The following SH3PXD2B variants were observed in gnomAD, a reference collection of about 807,000 sequenced individuals.
SH3PXD2B encodes SH3 and PX domains 2B, also known as SH3 and PX domain-containing protein 2B.
In SH3PXD2B, 37 loss-of-function variants were observed where a neutral mutation model predicts 73.1. The ratio of observed to expected loss-of-function variants is 0.51; its 90% CI spans 0.39 to 0.67. The LOEUF (loss-of-function observed/expected upper bound fraction) is 0.67. Among genes scored for constraint, SH3PXD2B ranks in the 30% least tolerant of loss-of-function variants. The pLI is 0.00. For synonymous variants in SH3PXD2B, 457 were observed against 480.5 expected, an observed-to-expected ratio of 0.95 and a Z score of 0.64; for missense variants, 1,053 against 1,197.8, an observed-to-expected ratio of 0.88 and a Z score of 1.78.
At chr5:172,447,662 C>T (rs1037815659) in intron 1 of SH3PXD2B, among the ~76,000 whole-genome samples, 1 of 152,210 alleles carries the variant, frequency 6.6e-6, no homozygotes, top group African/African-American at 2.4e-5. Flanking sequence ...GATTTGAACC[C>T]AAGCTGTCTG....
intron 8 of SH3PXD2B, among the ~76,000 whole-genome samples, chr5:172,356,488 C>T (rs925216813): frequency 2.0e-5 from 3 of 152,234 alleles, no homozygotes; most frequent in Non-Finnish European, 2.9e-5. Flanking sequence ...ACCTGAGAAA[C>T]TTTAAATCCC....
intron 2 of SH3PXD2B, among the ~76,000 whole-genome samples, chr5:172,417,004 C>T (rs1177394926): frequency 2.0e-5 from 3 of 152,108 alleles, no homozygotes; most frequent in Non-Finnish European, 4.4e-5. Context: ...CCATCACACT[C>T]GGTGACTGTG....
intron 1 of SH3PXD2B, among the ~76,000 whole-genome samples, chr5:172,431,355 GA>G (rs1759235299): frequency 6.6e-6 from 1 of 152,246 alleles, no homozygotes; most frequent in Non-Finnish European, 1.5e-5. Context: ...CTGCAGAGAG[GA>G]TAAGTGAAGG....
intron 4 of SH3PXD2B, among the ~76,000 whole-genome samples, chr5:172,390,848 T>C (rs1400040169): frequency 2.7e-5 from 4 of 147,672 alleles, no homozygotes. Flanking sequence ...TGTGTGTGTG[T>C]GTGTGTGTGT....
chr5:172,365,522 T>C (rs945262809), intron 6 of SH3PXD2B, among the ~76,000 whole-genome samples: 3 of 152,202 alleles, frequency 2.0e-5, no homozygotes, highest in Admixed American at 2.0e-4. Flanking sequence ...TCAGGCTCAG[T>C]CTGACATCTC....
chr5:172,327,330 G>A (rs80188967), intron 12 of SH3PXD2B, among the ~76,000 whole-genome samples: 11 of 152,112 alleles, frequency 7.2e-5, no homozygotes, highest in Non-Finnish European at 1.2e-4. Context: ...CATCGTTTTC[G>A]AAAGGTAAAA....
intron 3 of SH3PXD2B, among the ~76,000 whole-genome samples, chr5:172,402,926 T>A (rs749608401): frequency 2.6e-5 from 4 of 152,266 alleles, no homozygotes; most frequent in Non-Finnish European, 5.9e-5. Flanking sequence ...CAATTTGTCA[T>A]TTACCCACAG....
intron 8 of SH3PXD2B, among the ~76,000 whole-genome samples, chr5:172,357,649 G>A (rs559782352): frequency 6.6e-6 from 1 of 152,190 alleles, no homozygotes; most frequent in South Asian, 2.1e-4. Flanking sequence ...TAGTTTCCAT[G>A]CACTACATCA....
intron 4 of SH3PXD2B, among the ~76,000 whole-genome samples, chr5:172,388,025 T>C (rs1224840356): frequency 6.6e-6 from 1 of 152,206 alleles, no homozygotes; most frequent in African/African-American, 2.4e-5. Context: ...TACCCATTTA[T>C]TGAGGAATGA....
At chr5:172,331,068 G>A (rs1756544933), downstream of SH3PXD2B, among the ~76,000 whole-genome samples, 2 of 152,300 alleles carry the variant, frequency 1.3e-5, no homozygotes, top group South Asian at 4.1e-4. Context: ...GGTGGCCCAC[G>A]CCTGTAATCC....
Position 172,383,049 on chromosome 5 carries a change from ATTC to A in SH3PXD2B, c.310-925_310-923del, listed in dbSNP as rs367646004. Among the ~76,000 whole-genome samples, 9 of 152,160 alleles carry A rather than the reference ATTC, an allele frequency of 5.9e-5. No homozygotes were observed. In the East Asian group the frequency reaches 1.7e-3, roughly 29 times the overall value. On this transcript the variant is annotated intron_variant, in intron 4 of 12. Coordinates refer to ENST00000311601, the MANE Select transcript of SH3PXD2B (RefSeq NM_001017995.3). ...GCCACTGCACCTGGCTCATTTCATT[ATTC>A]TTCTATAACATCATCTATACTGGAT...
At position 172,339,608 on chromosome 5, in the gene SH3PXD2B, A is replaced by C; in HGVS notation, c.1497T>G (p.Ser499=). 6.2e-7 allele frequency: 1 copy of C among 1,614,236 alleles called. No individual in the cohort carries two copies. The highest frequency in any genetic ancestry group is 2.2e-5 in the East Asian group (1 of 44,884). ...KGSKDVLRKA[S]SDMSASAGYE... ...AGCCTGCTGACGCAGACATGTCTGA[A>C]GATGCCTTCCTCAGGACATCCTTAC... Residue 499 remains serine, a synonymous_variant, in exon 13 of 13, where the codon TCT becomes TCG. Transcript: ENST00000311601. The surrounding 1 kb of genome is among the most constrained non-coding windows in gnomAD (Gnocchi z 6.1).
intron 1 of SH3PXD2B, 48 bp from the exon 2 acceptor site, chr5:172,422,544 C>G (rs1345423294): frequency 6.4e-7 from 1 of 1,557,510 alleles, no homozygotes. Flanking sequence ...AAGGTGGTCT[C>G]CCAATCTCTG....
rs1396746066 is a variant in SH3PXD2B at position 172,334,110 on chromosome 5, G to A, written c.*4259C>T. Reference sequence around the variant, plus strand: ...CCTCATCCCTGATTGGAGCTAAGAAGGCTTACTTTGGAGTCGAGGATAGAA... The same window carrying A: ...CCTCATCCCTGATTGGAGCTAAGAAAGCTTACTTTGGAGTCGAGGATAGAA... On this transcript the variant is annotated 3_prime_UTR_variant, in exon 13 of 13. Coordinates refer to ENST00000311601, the MANE Select transcript of SH3PXD2B (RefSeq NM_001017995.3). 9.0e-7 allele frequency: 1 copy of A among 1,117,022 alleles called. No homozygotes were observed. The highest frequency in any genetic ancestry group is 1.1e-6 in the Non-Finnish European group (1 of 910,468). The allele number at this position is 1,117,022 out of a possible 1,614,324, so 69.2% of individuals were successfully genotyped here. A position where few individuals can be genotyped will look rare whatever the true frequency, so the allele number is the denominator to read the frequency against.
intron 5 of SH3PXD2B, among the ~76,000 whole-genome samples, chr5:172,374,243 CA>C (rs1757773858): frequency 6.6e-6 from 1 of 152,184 alleles, no homozygotes; most frequent in Non-Finnish European, 1.5e-5. Context: ...ACAGGGAACA[CA>C]TTAAAACTGG....
chr5:172,441,257 G>A (rs768240545), intron 1 of SH3PXD2B, among the ~76,000 whole-genome samples: 1 of 152,134 alleles, frequency 6.6e-6, no homozygotes, highest in Non-Finnish European at 1.5e-5. Flanking sequence ...GTTAAGTAAC[G>A]TGGCCCAAAT....
At chr5:172,425,598 A>T (rs987072868) in intron 1 of SH3PXD2B, among the ~76,000 whole-genome samples, 3 of 152,058 alleles carry the variant, frequency 2.0e-5, no homozygotes, top group Admixed American at 1.3e-4. Flanking sequence ...ATGACAGCTG[A>T]CAGTGCTGCG....
intron 5 of SH3PXD2B, among the ~76,000 whole-genome samples, chr5:172,379,658 C>T (rs1757898474): frequency 6.6e-6 from 1 of 152,170 alleles, no homozygotes; most frequent in African/African-American, 2.4e-5. Context: ...GGGGCACTAC[C>T]ATGAGCCGCC....
chr5:172,447,191 A>C (rs1197868211), intron 1 of SH3PXD2B, among the ~76,000 whole-genome samples: 1 of 152,202 alleles, frequency 6.6e-6, no homozygotes, highest in Non-Finnish European at 1.5e-5. Context: ...ACAGAAAAGC[A>C]CAGACAAGCA....
Sources: gnomAD v4.1 joint callset for allele counts (sites outside exome capture counted in the v4.1 genomes callset) on GRCh38, gnomAD v4.1.1 for gene constraint, Gnocchi (gnomAD v3.1) non-coding constraint, MANE v1.5 for transcripts, NCBI Gene and HGNC (gene_info 2026-07-23, HGNC 2026-07-21) for gene names.